The following TENM3 variants were observed in gnomAD, a reference collection of about 807,000 sequenced individuals.
TENM3 encodes teneurin-3.
TENM3 carries 63 observed loss-of-function variants against 255.1 expected under a neutral mutation model. The observed-to-expected ratio is 0.25, with a 90% CI of 0.20 to 0.30. The LOEUF is 0.30. Ranked by LOEUF, TENM3 falls within the 10% of genes least tolerant of loss-of-function variation. The probability of loss-of-function intolerance (pLI) is 1.00; values close to 1 mark genes in which losing one functional copy is unlikely to be tolerated. For missense variants in TENM3, 2,929 were observed against 3,461.1 expected, an observed-to-expected ratio of 0.85 and a Z score of 3.86; for synonymous variants, 1,306 against 1,322.3, an observed-to-expected ratio of 0.99 and a Z score of 0.27.
At chr4:182,431,497 A>C (rs1416104701) in intron 3 of TENM3, among the ~76,000 whole-genome samples, 1 of 152,210 alleles carries the variant, frequency 6.6e-6, no homozygotes, top group South Asian at 2.1e-4. Flanking sequence ...CTCTCAATAC[A>C]AAGAAAAGAA....
chr4:182,289,086 C>T (rs901570815), intron 1 of TENM3, among the ~76,000 whole-genome samples: 1 of 152,098 alleles, frequency 6.6e-6, no homozygotes, highest in Non-Finnish European at 1.5e-5. Flanking sequence ...AAAAATTAGC[C>T]TGGCATGGTG....
chr4:181,678,876 G>C, the TENM3 span, among the ~76,000 whole-genome samples: 1 of 150,758 alleles, frequency 6.6e-6, no homozygotes, highest in East Asian at 2.0e-4. Flanking sequence ...ATGATTTGGG[G>C]ATATCATTAT....
the TENM3 span, among the ~76,000 whole-genome samples, chr4:181,838,070 G>A: frequency 5.3e-5 from 8 of 151,766 alleles, no homozygotes; most frequent in East Asian, 1.9e-4. Flanking sequence ...CCCAGGAGGC[G>A]GAGCTTGCAA....
At chr4:182,298,906 C>G (rs1761661915) in intron 1 of TENM3, among the ~76,000 whole-genome samples, 1 of 143,560 alleles carries the variant, frequency 7.0e-6, no homozygotes, top group South Asian at 2.2e-4. Context: ...CTCGCTTGAA[C>G]CCAGGAGGCA....
chr4:182,420,973 GA>G (rs1037957184), intron 3 of TENM3, among the ~76,000 whole-genome samples: 2 of 150,800 alleles, frequency 1.3e-5, no homozygotes, highest in Non-Finnish European at 1.5e-5. Context: ...TCAGTGCAAA[GA>G]AAAAAAAAGT....
At chr4:181,497,946 A>C in the TENM3 span, among the ~76,000 whole-genome samples, 1 of 152,204 alleles carries the variant, frequency 6.6e-6, no homozygotes, top group African/African-American at 2.4e-5. Flanking sequence ...TTTGAGTTAC[A>C]CATAGTCAAC....
chr4:182,494,194 C>T (rs1270286501), intron 3 of TENM3, among the ~76,000 whole-genome samples: 2 of 152,212 alleles, frequency 1.3e-5, no homozygotes, highest in East Asian at 3.9e-4. Flanking sequence ...AATGAAAAGA[C>T]ATCAGTGTAT....
chr4:182,322,636 C>T (rs1763123992), intron 1 of TENM3, among the ~76,000 whole-genome samples: 1 of 152,126 alleles, frequency 6.6e-6, no homozygotes, highest in African/African-American at 2.4e-5. Context: ...AAGTTGGAAG[C>T]ACATTAATGA....
At chr4:182,413,700 C>G (rs796387475) in intron 3 of TENM3, among the ~76,000 whole-genome samples, 1 of 152,114 alleles carries the variant, frequency 6.6e-6, no homozygotes, top group Non-Finnish European at 1.5e-5. Context: ...AGAAGATTTT[C>G]CCCAAATGCT....
chr4:181,780,387 G>C, the TENM3 span, among the ~76,000 whole-genome samples: 1 of 152,192 alleles, frequency 6.6e-6, no homozygotes, highest in Non-Finnish European at 1.5e-5. Context: ...CTGATGGCCA[G>C]TGATGATGAG....
chr4:182,600,933 C>G lies in TENM3; in HGVS notation c.521C>G (p.Ala174Gly). ...NKSDSENEQP[A>G]SNQGQSTLQP... is the part of the protein sequence containing the mutation. ...TTTTTTTTTTTTTCAGAGCAACCTG[C>G]AAGCAATCAAGGCCAGTCTACCCTG... The change falls in exon 4 of 28, where the codon GCA (alanine) becomes GGA (glycine). Residue 174 changes from alanine to glycine, a missense_variant. Transcript: ENST00000511685. 2 of 1,021,490 alleles carry G rather than the reference C, an allele frequency of 2.0e-6. No homozygotes were observed. The highest frequency in any genetic ancestry group is 1.6e-5 in the South Asian group (1 of 62,922). The allele number at this position is 1,021,490 out of a possible 1,614,324, so 63.3% of individuals were successfully genotyped here. A position where few individuals can be genotyped will look rare whatever the true frequency, so the allele number is the denominator to read the frequency against.
the TENM3 span, among the ~76,000 whole-genome samples, chr4:181,453,949 G>A: frequency 6.6e-6 from 1 of 151,964 alleles, no homozygotes; most frequent in Non-Finnish European, 1.5e-5. Context: ...AACAATCATG[G>A]GCATGTTCAT....
the TENM3 span, among the ~76,000 whole-genome samples, chr4:181,755,548 A>G: frequency 3.0e-4 from 45 of 152,156 alleles, no homozygotes; most frequent in Admixed American, 2.9e-3. Context: ...GTCTAAACAC[A>G]AAGTTGAAGT....
chr4:182,291,699 TATGCATGCGTCCCTCCTC>T (rs1761136412), intron 1 of TENM3, among the ~76,000 whole-genome samples: 1 of 152,048 alleles, frequency 6.6e-6, no homozygotes, highest in South Asian at 2.1e-4. Context: ...GACTTCCGAG[TATGCATGCGTCCCTCCTC>T]ATGGTGTCTT....
chr4:181,999,818 A>C, the TENM3 span, among the ~76,000 whole-genome samples: 1 of 152,200 alleles, frequency 6.6e-6, no homozygotes, highest in African/African-American at 2.4e-5. Context: ...CATATCGAGA[A>C]TTCATTTTCA....
At chr4:181,478,859 C>T in the TENM3 span, among the ~76,000 whole-genome samples, 5 of 152,128 alleles carry the variant, frequency 3.3e-5, no homozygotes, top group African/African-American at 1.2e-4. Context: ...TCACGCTGAG[C>T]TCAAACTGTT....
At chr4:182,432,703 G>C (rs1192098557) in intron 3 of TENM3, among the ~76,000 whole-genome samples, 6 of 152,202 alleles carry the variant, frequency 3.9e-5, no homozygotes, top group Non-Finnish European at 7.4e-5. Flanking sequence ...GGCCAAAGTG[G>C]TAGAAACCAC....
the TENM3 span, among the ~76,000 whole-genome samples, chr4:181,775,707 C>T: frequency 6.6e-6 from 1 of 152,146 alleles, no homozygotes; most frequent in African/African-American, 2.4e-5. Context: ...TGGACGCTTA[C>T]AAAATTCACC....
the TENM3 span, among the ~76,000 whole-genome samples, chr4:182,102,474 T>G: frequency 1.3e-5 from 2 of 152,230 alleles, no homozygotes; most frequent in East Asian, 3.9e-4. Flanking sequence ...GTATTTGGGA[T>G]GTCCCGTCTA....
Sources: gnomAD v4.1 joint callset for allele counts (sites outside exome capture counted in the v4.1 genomes callset) on GRCh38, gnomAD v4.1.1 for gene constraint, MANE v1.5 for transcripts, NCBI Gene and HGNC (gene_info 2026-07-23, HGNC 2026-07-21) for gene names.